ZFR2: variants seen among roughly 807,000 people sequenced by gnomAD.
The protein encoded by ZFR2 is zinc finger RNA binding protein 2, also known as zinc finger RNA-binding protein 2.
In ZFR2, 104 loss-of-function variants were observed where a neutral mutation model predicts 105.7. That is an observed-to-expected ratio of 0.98 (90% confidence interval 0.84 to 1.16). The LOEUF (loss-of-function observed/expected upper bound fraction) is 1.16, where lower values mean the gene tolerates loss of function less well. Among genes scored for constraint, ZFR2 ranks in the 50% most tolerant of loss-of-function variants. ZFR2 has a pLI of 0.00. For synonymous variants in ZFR2, 634 were observed against 597.7 expected, an observed-to-expected ratio of 1.06 and a Z score of -0.89; for missense variants, 1,425 against 1,355.5, an observed-to-expected ratio of 1.05 and a Z score of -0.80.
At chr19:3,826,432 GGCCTCTTTTTTTTTTCTTTTGGCGACAGA>G (rs1412004469) in intron 6 of ZFR2, among the ~76,000 whole-genome samples, 2 of 151,490 alleles carry the variant, frequency 1.3e-5, no homozygotes, top group African/African-American at 4.8e-5. Flanking sequence ...ACGAAACCCA[GGCCTCTTTTTTTTTTCTTTTGGCGACAGA>G]GCCTTGCTCT....
intron 12 of ZFR2, among the ~76,000 whole-genome samples, chr19:3,817,313 C>T (rs1244462984): frequency 1.3e-5 from 2 of 152,098 alleles, no homozygotes; most frequent in South Asian, 2.1e-4. Flanking sequence ...AATCCCAGCA[C>T]TTTGGGAGGC....
chr19:3,850,922 AAG>A (rs1568431139), intron 1 of ZFR2, among the ~76,000 whole-genome samples: 1 of 144,966 alleles, frequency 6.9e-6, no homozygotes, highest in Non-Finnish European at 1.5e-5. Context: ...AAAAAAAAAA[AAG>A]AGACACCAGC....
At chr19:3,854,572 T>C (rs1341279601) in intron 1 of ZFR2, among the ~76,000 whole-genome samples, 1 of 152,126 alleles carries the variant, frequency 6.6e-6, no homozygotes, top group Non-Finnish European at 1.5e-5. Context: ...GAGCTCAGAT[T>C]CCTACATCCC....
intron 1 of ZFR2, among the ~76,000 whole-genome samples, chr19:3,862,623 G>A (rs1397853585): frequency 6.6e-6 from 1 of 152,178 alleles, no homozygotes; most frequent in Non-Finnish European, 1.5e-5. Context: ...AAACAAGTAA[G>A]ATGAAAAATC....
At position 3,805,061 on chromosome 19, in the gene ZFR2, G is replaced by A. The variant is rs2037682223; in HGVS notation, c.*888C>T. On this transcript the variant is annotated 3_prime_UTR_variant, in exon 19 of 19. Transcript: ENST00000262961. ...CAACTGGCTAATTTTTTGTAGAGAT[G>A]GGGTGTCACCATATTGCCCAGACTG... 6.6e-6 allele frequency: 1 copy of A among 151,980 alleles called. No homozygotes were observed. The highest frequency in any genetic ancestry group is 2.4e-5 in the African/African-American group (1 of 41,334). The allele number at this position is 151,980 out of a possible 1,614,324, so 9.4% of individuals were successfully genotyped here.
intron 1 of ZFR2, among the ~76,000 whole-genome samples, chr19:3,836,502 G>C (rs555554065): frequency 6.6e-6 from 1 of 152,168 alleles, no homozygotes; most frequent in African/African-American, 2.4e-5. Context: ...AAAAAATTTT[G>C]GTAGAGGTGG....
rs2037918233 is a variant in ZFR2, at chr19:3,823,554, C to A, written c.1214-151G>T. Among the ~76,000 whole-genome samples, 2 of 152,310 alleles carry A rather than the reference C, an allele frequency of 1.3e-5. No individual in the cohort carries two copies. Among genetic ancestry groups the A allele is most frequent in the South Asian group, 4.1e-4 (2 of 4,826 alleles). On this transcript the variant is annotated intron_variant, in intron 7 of 18. Transcript: ENST00000262961. This position sits in a 1 kb window ranked among gnomAD's most constrained non-coding sequence, Gnocchi z 5.4. Reference sequence around the variant, plus strand: ...TGATGTCAGGGGGAATGGCCCCGGACAGCAACCTCGCTCTCCCTTTCATGC... The same window carrying A: ...TGATGTCAGGGGGAATGGCCCCGGAAAGCAACCTCGCTCTCCCTTTCATGC...
chr19:3,807,953 T>TC (rs1015081355), intron 17 of ZFR2, among the ~76,000 whole-genome samples: 2 of 142,158 alleles, frequency 1.4e-5, no homozygotes, highest in African/African-American at 5.3e-5. Context: ...GTGCATGCAC[T>TC]CATGTCTGTG....
intron 1 of ZFR2, among the ~76,000 whole-genome samples, chr19:3,863,917 G>C (rs2038401310): frequency 6.6e-6 from 1 of 152,082 alleles, no homozygotes; most frequent in Non-Finnish European, 1.5e-5. Context: ...CCTACCCCAA[G>C]GATCACGTGA....
chr19:3,818,392 G>A (rs1210429049), intron 12 of ZFR2, among the ~76,000 whole-genome samples: 3 of 152,164 alleles, frequency 2.0e-5, no homozygotes, highest in African/African-American at 4.8e-5. Flanking sequence ...GCTTGAGCCC[G>A]GGGGTCTGAG....
rs1230824292 is a variant in ZFR2 at position 3,834,629 on chromosome 19, C to T, written c.264+144G>A. 2.0e-5 allele frequency: 18 copies of T among 886,372 alleles called. No individual in the cohort carries two copies. The highest frequency in any genetic ancestry group is 3.4e-4 in the Middle Eastern group (1 of 2,966). 54.9% of individuals were successfully genotyped at this position (886,372 alleles called of 1,614,324 possible). On this transcript the variant is annotated intron_variant, in intron 2 of 18. Coordinates refer to ENST00000262961, the MANE Select transcript of ZFR2 (RefSeq NM_015174.2). This position sits in a 1 kb window ranked among gnomAD's most constrained non-coding sequence, Gnocchi z 5.3. ...CCCTGATTTCTCCCCACCACGGGTA[C>T]GCAATGCCAGCAGAAGGGTCCCGAA...
At chr19:3,807,550 C>T (rs1272901957) in intron 17 of ZFR2, among the ~76,000 whole-genome samples, 2 of 126,366 alleles carry the variant, frequency 1.6e-5, no homozygotes, top group East Asian at 2.3e-4. Flanking sequence ...TATACACATA[C>T]GCTGACGTGT....
intron 1 of ZFR2, chr19:3,852,288 AG>A (rs1472256102): frequency 1.6e-6 from 1 of 607,246 alleles, no homozygotes; most frequent in African/African-American, 1.9e-5. Context: ...CTCCTGGCTG[AG>A]GTGGGGTTCA....
At position 3,832,701 on chromosome 19, in the gene ZFR2, G is replaced by A. The variant is rs867350590; in HGVS notation, c.380-823C>T. ...TGCCCAGGCTGGAGTGCAGTGGTGCGATCACAGCTCACTGCAGCTCAGTTC... is the reference window on the plus strand; with the variant it reads ...TGCCCAGGCTGGAGTGCAGTGGTGCAATCACAGCTCACTGCAGCTCAGTTC... On this transcript the variant is annotated intron_variant, in intron 3 of 18. Coordinates refer to ENST00000262961, the MANE Select transcript of ZFR2 (RefSeq NM_015174.2). 1.8e-4 allele frequency among the ~76,000 whole-genome samples: 28 copies of A among 151,436 alleles called. No individual in the cohort carries two copies. The Middle Eastern group carries it at 0.01, about 56-fold the overall frequency.
intron 1 of ZFR2, among the ~76,000 whole-genome samples, chr19:3,861,729 C>T (rs2038375873): frequency 6.6e-6 from 1 of 152,078 alleles, no homozygotes; most frequent in African/African-American, 2.4e-5. Context: ...GGTTTGAGAC[C>T]AGCCCGGCCA....
At chr19:3,866,298 A>G (rs2038426268) in intron 1 of ZFR2, among the ~76,000 whole-genome samples, 1 of 152,136 alleles carries the variant, frequency 6.6e-6, no homozygotes, top group East Asian at 1.9e-4. Flanking sequence ...TTCCTGTGTT[A>G]TTTTTAGTTA....
In ZFR2 at chr19:3,834,999, C is replaced by T. The variant is rs1599239731; in HGVS notation, c.54-16G>A. The T allele has an allele frequency of 4.4e-6, 7 of 1,602,184 alleles. No homozygotes were observed. Among genetic ancestry groups the T allele is most frequent in the East Asian group, 2.2e-5 (1 of 44,606 alleles). ...AGGCTGGGCGCTAGAACCACAAACA[C>T]ACACCAAAGCCCCACCAGGTTAGAG... On this transcript the variant is annotated splice_polypyrimidine_tract_variant and intron_variant, in intron 1 of 18. Coordinates refer to ENST00000262961, the MANE Select transcript of ZFR2 (RefSeq NM_015174.2). This position sits in a 1 kb window ranked among gnomAD's most constrained non-coding sequence, Gnocchi z 5.3.
At chr19:3,820,936 AC>A (rs1410019052) in intron 10 of ZFR2, among the ~76,000 whole-genome samples, 1 of 67,382 alleles carries the variant, frequency 1.5e-5, no homozygotes, top group Non-Finnish European at 3.0e-5. Context: ...GGGTCGGGGG[AC>A]ACAGGGACAC....
At chr19:3,842,880 C>T (rs867385936) in intron 1 of ZFR2, among the ~76,000 whole-genome samples, 2 of 152,210 alleles carry the variant, frequency 1.3e-5, no homozygotes, top group South Asian at 2.1e-4. Context: ...CTGCCTTGGC[C>T]TCCCAAAGTG....
Sources: allele counts gnomAD v4.1 joint callset (sites outside exome capture counted in the v4.1 genomes callset), GRCh38; gene constraint gnomAD v4.1.1; non-coding constraint Gnocchi (gnomAD v3.1); transcripts MANE v1.5; gene names NCBI Gene and HGNC (gene_info 2026-07-23, HGNC 2026-07-21).